PHLDB2: variants seen among roughly 807,000 people sequenced by gnomAD.
PHLDB2 encodes pleckstrin homology like domain family B member 2, also known as pleckstrin homology-like domain family B member 2.
PHLDB2 carries 71 observed loss-of-function variants against 123.6 expected under a neutral mutation model. The ratio of observed to expected loss-of-function variants is 0.57; its 90% CI spans 0.47 to 0.70. PHLDB2 has a LOEUF of 0.70. Among genes scored for constraint, PHLDB2 ranks in the 30% least tolerant of loss-of-function variants. The pLI is 0.00. For missense variants in PHLDB2, 1,446 were observed against 1,519.5 expected (o/e 0.95, Z 0.80); for synonymous variants, 547 against 541.6 (o/e 1.01, Z -0.14).
At chr3:111,914,406 A>G (rs1026758210) in intron 3 of PHLDB2, 1 of 152,140 alleles carries the variant, frequency 6.6e-6, no homozygotes, top group Non-Finnish European at 1.5e-5. Flanking sequence ...AAGAGTCTAT[A>G]TATCCAGGTG....
chr3:111,819,236 C>A (rs967832791), intron 1 of PHLDB2, among the ~76,000 whole-genome samples: 1 of 152,014 alleles, frequency 6.6e-6, no homozygotes, highest in African/African-American at 2.4e-5. Context: ...GGGGTTAGGG[C>A]TTCCACGTAT....
intron 11 of PHLDB2, chr3:111,953,639 AGAACTTTC>A: frequency 3.5e-6 from 1 of 286,952 alleles, no homozygotes. Context: ...TTATGCATGA[AGAACTTTC>A]AGCCATTCTT....
intron 1 of PHLDB2, among the ~76,000 whole-genome samples, chr3:111,741,573 C>T (rs754419206): frequency 4.0e-5 from 6 of 151,666 alleles, no homozygotes; most frequent in Admixed American, 2.6e-4. Flanking sequence ...GTGTGTGTTA[C>T]GTGGAAAGAA....
intron 2 of PHLDB2, among the ~76,000 whole-genome samples, chr3:111,852,006 C>T (rs959556872): frequency 6.6e-6 from 1 of 151,888 alleles, no homozygotes; most frequent in African/African-American, 2.4e-5. Flanking sequence ...CTGTTGGACT[C>T]ATAGGACACA....
At chr3:111,894,525 C>A (rs550954214) in intron 2 of PHLDB2, among the ~76,000 whole-genome samples, 3 of 151,956 alleles carry the variant, frequency 2.0e-5, no homozygotes, top group South Asian at 4.2e-4. Context: ...ACACTCCCAC[C>A]AACAGTGTAA....
intron 2 of PHLDB2, among the ~76,000 whole-genome samples, chr3:111,905,009 ATT>A (rs2067430658): frequency 6.6e-6 from 1 of 152,152 alleles, no homozygotes; most frequent in Non-Finnish European, 1.5e-5. Flanking sequence ...AACGGCAATG[ATT>A]TTTCCTATTC....
intron 14 of PHLDB2, among the ~76,000 whole-genome samples, chr3:111,967,288 A>C (rs1257533475): frequency 2.0e-5 from 3 of 152,190 alleles, no homozygotes; most frequent in Non-Finnish European, 4.4e-5. Context: ...TAGAGGGACC[A>C]TGGCCTTCAG....
At chr3:111,801,023 A>C (rs181543116) in intron 1 of PHLDB2, among the ~76,000 whole-genome samples, 2 of 152,316 alleles carry the variant, frequency 1.3e-5, no homozygotes, top group African/African-American at 4.8e-5. Context: ...ATAATATTAA[A>C]TGTAACATTC....
At chr3:111,916,583 C>A (rs1292834027) in intron 3 of PHLDB2, 3 of 152,090 alleles carry the variant, frequency 2.0e-5, no homozygotes, top group Non-Finnish European at 2.9e-5. Flanking sequence ...TTTAGAAAAC[C>A]TGAGAGTTAC....
rs569643858 is a variant in PHLDB2 at position 111,975,851 on chromosome 3, A to T, written c.*1288A>T. 6 of 152,766 alleles carry T rather than the reference A, an allele frequency of 3.9e-5. No individual in the cohort carries two copies. Among genetic ancestry groups the T allele is most frequent in the Admixed American group, 3.9e-4 (6 of 15,312 alleles). 9.5% of individuals were successfully genotyped at this position (152,766 alleles called of 1,614,324 possible). On this transcript the variant is annotated 3_prime_UTR_variant, in exon 18 of 18. Transcript: ENST00000431670. ...ATATTACTTACAAGATGAAATGATT[A>T]GATTAGAAGTGTCCCTTTATTAAAC...
At position 111,913,457 on chromosome 3, in the gene PHLDB2, G is replaced by C. The variant is rs774433422; in HGVS notation, c.1474G>C (p.Glu492Gln). 1 of 1,614,124 alleles carries C rather than the reference G, an allele frequency of 6.2e-7. No individual in the cohort carries two copies. The highest frequency in any genetic ancestry group is 8.5e-7 in the Non-Finnish European group (1 of 1,180,018). The stretch of plus-strand genomic sequence containing the variant: ...TGAGAAGCTGCAGCTCTCTGATGAG[G>C]AGTCTGTGTTTGAGGAAGCCCTCAT... ...ELEKLQLSDE[E>Q]SVFEEALMSP... Residue 492 changes from glutamate (E) to glutamine (Q), a missense_variant, in exon 3 of 18, where the codon GAG becomes CAG. Physicochemically the swap from Glu to Gln is conservative, Grantham distance 29. Around this residue, in one of 3 missense-constraint regions of PHLDB2, gnomAD observed 832 missense variants for 831.9 expected, o/e 1.00. Transcript: ENST00000431670.
At chr3:111,822,295 ATGTGTG>A (rs35687126) in intron 1 of PHLDB2, among the ~76,000 whole-genome samples, 2 of 144,032 alleles carry the variant, frequency 1.4e-5, no homozygotes, top group Non-Finnish European at 1.5e-5. Context: ...ATCTTTATGT[ATGTGTG>A]TGTGTGTGTG....
At chr3:111,777,419 T>G (rs1364120275) in intron 1 of PHLDB2, among the ~76,000 whole-genome samples, 1 of 152,156 alleles carries the variant, frequency 6.6e-6, no homozygotes, top group Non-Finnish European at 1.5e-5. Flanking sequence ...GAAGTTAATA[T>G]TCAGCTCTAA....
At chr3:111,747,335 G>T (rs2107948503) in intron 1 of PHLDB2, among the ~76,000 whole-genome samples, 1 of 152,062 alleles carries the variant, frequency 6.6e-6, no homozygotes, top group African/African-American at 2.4e-5. Context: ...ACTGAAATTT[G>T]GGAAACACCT....
At chr3:111,921,265 T>G (rs986397046) in intron 5 of PHLDB2, among the ~76,000 whole-genome samples, 2 of 152,200 alleles carry the variant, frequency 1.3e-5, no homozygotes, top group Non-Finnish European at 2.9e-5. Context: ...AAATTCCAAT[T>G]TGAGAAAGAA....
chr3:111,966,723 G>T lies in PHLDB2; in HGVS notation c.3168+20G>T. The T allele has an allele frequency of 6.2e-7, 1 of 1,604,140 alleles. No homozygotes were observed. ...TCCAGGGTAAGCTTCATATTTTCATGCCGGAGGTCTGTGATACCGTGGTGC... is the reference window on the plus strand; with the variant it reads ...TCCAGGGTAAGCTTCATATTTTCATTCCGGAGGTCTGTGATACCGTGGTGC... On this transcript the variant is annotated intron_variant, in intron 14 of 17. Transcript: ENST00000431670.
intron 1 of PHLDB2, among the ~76,000 whole-genome samples, chr3:111,752,845 G>A (rs944300969): frequency 4.0e-5 from 6 of 148,454 alleles, no homozygotes; most frequent in African/African-American, 1.5e-4. Flanking sequence ...TCCCCCTCCT[G>A]TGTCCATGTG....
intron 1 of PHLDB2, among the ~76,000 whole-genome samples, chr3:111,872,756 C>T (rs535836298): frequency 4.7e-4 from 71 of 152,228 alleles, no homozygotes; most frequent in African/African-American, 1.6e-3. Flanking sequence ...TATCAGTAGC[C>T]GTTGTTGTCA....
At chr3:111,859,612 G>A (rs898910656) in intron 1 of PHLDB2, 36 bp downstream of exon 1, 3 of 985,172 alleles carry the variant, frequency 3.0e-6, no homozygotes, top group Non-Finnish European at 3.6e-6. Context: ...GGAGGAGGGG[G>A]TGGTGCCGAC....
Sources: allele counts gnomAD v4.1 joint callset (sites outside exome capture counted in the v4.1 genomes callset), GRCh38; gene constraint gnomAD v4.1.1; regional missense constraint gnomAD v4.1.1; transcripts MANE v1.5; gene names NCBI Gene and HGNC (gene_info 2026-07-23, HGNC 2026-07-21).